The following TSPAN18 variants were observed in gnomAD, a reference collection of about 807,000 sequenced individuals.
TSPAN18 encodes the protein tetraspanin-18.
Under a neutral mutation model 27.3 loss-of-function variants are expected in TSPAN18, and 14 were observed. That is an observed-to-expected ratio of 0.51 (90% CI 0.34 to 0.80). TSPAN18 has a LOEUF of 0.80. Among genes scored for constraint, TSPAN18 ranks in the 30% least tolerant of loss-of-function variants. The probability of loss-of-function intolerance (pLI) is 0.01; values close to 1 mark genes in which losing one functional copy is unlikely to be tolerated. For synonymous variants in TSPAN18, 143 were observed against 136.5 expected (o/e 1.05, Z -0.33); for missense variants, 268 against 323.9 (o/e 0.83, Z 1.32).
At position 44,930,670 on chromosome 11, in the gene TSPAN18, G is replaced by T; in HGVS notation, c.*1492G>T. 2.7e-6 allele frequency: 1 copy of T among 368,510 alleles called. No individual in the cohort carries two copies. Among genetic ancestry groups the T allele is most frequent in the Non-Finnish European group, 5.4e-6 (1 of 184,812 alleles). 22.8% of individuals were successfully genotyped at this position (368,510 alleles called of 1,614,324 possible). A position where few individuals can be genotyped will look rare whatever the true frequency, so the allele number is the denominator to read the frequency against. ...ATTGCAAGATGCTCCTACCCTGATA[G>T]ATCAGGGGTGGCTGCTGGAGGCTGT... On this transcript the variant is annotated 3_prime_UTR_variant, in exon 10 of 10. Transcript: ENST00000520358.
chr11:44,757,022 A>C (rs1437245999), intron 1 of TSPAN18, among the ~76,000 whole-genome samples: 2 of 152,078 alleles, frequency 1.3e-5, no homozygotes, highest in African/African-American at 4.8e-5. Context: ...TACAGTTTTG[A>C]GATAATTTTC....
intron 1 of TSPAN18, among the ~76,000 whole-genome samples, chr11:44,754,947 G>A (rs565280885): frequency 5.3e-5 from 8 of 152,298 alleles, no homozygotes; most frequent in South Asian, 4.1e-4. Context: ...TGACCAGTGC[G>A]GCTGTGTCTG....
intron 1 of TSPAN18, among the ~76,000 whole-genome samples, chr11:44,754,429 C>A (rs1431096178): frequency 1.3e-5 from 2 of 152,206 alleles, no homozygotes; most frequent in African/African-American, 4.8e-5. Context: ...CACATTGCAT[C>A]CACGTGGAGT....
rs1242408761 is a variant in TSPAN18, at chr11:44,727,047, AGCCCCAGCCCCGGCCCCG to A, written c.-456_-439del. ...CCGCGGAGCCGCGCGAGGCCGCCCGAGCCCCAGCCCCGGCCCCGGCCCCAGCCCCGGCCCCGGCCCCGG... is the reference window on the plus strand; with the variant it reads ...CCGCGGAGCCGCGCGAGGCCGCCCGAGCCCCAGCCCCGGCCCCGGCCCCGG... On this transcript the variant is annotated 5_prime_UTR_variant, in exon 1 of 10. Coordinates refer to ENST00000520358, the MANE Select transcript of TSPAN18 (RefSeq NM_130783.5). 5 of 135,340 alleles carry A rather than the reference AGCCCCAGCCCCGGCCCCG, an allele frequency of 3.7e-5. No individual in the cohort carries two copies. The highest frequency in any genetic ancestry group is 2.0e-4 in the South Asian group (1 of 5,048). The allele number at this position is 135,340 out of a possible 1,614,324, so 8.4% of individuals were successfully genotyped here. A position where few individuals can be genotyped will look rare whatever the true frequency, so the allele number is the denominator to read the frequency against.
intron 2 of TSPAN18, among the ~76,000 whole-genome samples, chr11:44,804,940 C>CTGGGGAGGGCT (rs1227988483): frequency 1.3e-5 from 2 of 152,166 alleles, no homozygotes; most frequent in African/African-American, 4.8e-5. Context: ...GCCCAGCCAC[C>CTGGGGAGGGCT]TGGGGAGGGC....
Position 44,858,093 on chromosome 11 carries a change from C to T in TSPAN18, c.-152-2235C>T, listed in dbSNP as rs57794898. Among the ~76,000 whole-genome samples the T allele has an allele frequency of 7.9e-3, 1,207 of 152,300 alleles. 17 individuals are homozygous for T. Among genetic ancestry groups the T allele is most frequent in the African/African-American group, 0.027 (1,130 of 41,552 alleles). On this transcript the variant is annotated intron_variant, in intron 2 of 9. Coordinates refer to ENST00000520358, the MANE Select transcript of TSPAN18 (RefSeq NM_130783.5). ...AGTCTTCAGTTTCTCATCAATAAAA[C>T]GGGGATGATAGCACTGTTAGAATGA...
At chr11:44,726,804 T>C (rs1224743471), upstream of TSPAN18, 1 of 124,380 alleles carries the variant, frequency 8.0e-6, no homozygotes, top group Non-Finnish European at 1.8e-5. Context: ...AGGCGGAGGC[T>C]GGCGGGAGGC....
intron 2 of TSPAN18, among the ~76,000 whole-genome samples, chr11:44,854,206 G>GC (rs954362862): frequency 3.7e-5 from 5 of 135,540 alleles, no homozygotes; most frequent in Non-Finnish European, 6.4e-5. Context: ...GGGGTGGGGG[G>GC]GGGGGTTTGT....
intron 2 of TSPAN18, among the ~76,000 whole-genome samples, chr11:44,855,249 C>A (rs1297289860): frequency 6.6e-6 from 1 of 151,784 alleles, no homozygotes; most frequent in Non-Finnish European, 1.5e-5. Flanking sequence ...TACCCTTTTT[C>A]TTTAACAATA....
intron 3 of TSPAN18, among the ~76,000 whole-genome samples, chr11:44,905,431 T>C (rs1280887394): frequency 1.3e-5 from 2 of 152,186 alleles, no homozygotes. Flanking sequence ...CTGTGGGACA[T>C]CGGACATGTC....
At chr11:44,746,229 TGA>T (rs1855073124) in intron 1 of TSPAN18, among the ~76,000 whole-genome samples, 1 of 152,094 alleles carries the variant, frequency 6.6e-6, no homozygotes, top group South Asian at 2.1e-4. Flanking sequence ...TGTTGGGGTT[TGA>T]GTATGAGACC....
At chr11:44,814,176 T>A (rs930905265) in intron 2 of TSPAN18, among the ~76,000 whole-genome samples, 2 of 152,072 alleles carry the variant, frequency 1.3e-5, no homozygotes, top group East Asian at 1.9e-4. Context: ...AATAATTTTT[T>A]AAAAAAAGTC....
intron 2 of TSPAN18, among the ~76,000 whole-genome samples, chr11:44,849,558 T>C (rs1394135731): frequency 6.6e-6 from 1 of 152,100 alleles, no homozygotes; most frequent in African/African-American, 2.4e-5. Context: ...GATGGGGGTG[T>C]GGCCTCCCAG....
At chr11:44,792,704 C>T (rs930584525) in intron 2 of TSPAN18, among the ~76,000 whole-genome samples, 1 of 152,110 alleles carries the variant, frequency 6.6e-6, no homozygotes, top group Non-Finnish European at 1.5e-5. Context: ...GGGTTCCTCC[C>T]GGAAGAGGTG....
chr11:44,730,161 A>G (rs1248908038), intron 1 of TSPAN18, among the ~76,000 whole-genome samples: 1 of 152,120 alleles, frequency 6.6e-6, no homozygotes, highest in Non-Finnish European at 1.5e-5. Context: ...GAGTGAATGC[A>G]GCAGCTTCAG....
intron 1 of TSPAN18, among the ~76,000 whole-genome samples, chr11:44,756,280 C>G (rs1433109125): frequency 7.1e-6 from 1 of 140,988 alleles, no homozygotes; most frequent in East Asian, 2.3e-4. Flanking sequence ...GGTGTAGCCC[C>G]CATCTGTTCT....
intron 2 of TSPAN18, among the ~76,000 whole-genome samples, chr11:44,831,674 A>C (rs560905504): frequency 1.3e-5 from 2 of 152,188 alleles, no homozygotes; most frequent in African/African-American, 2.4e-5. Context: ...TCCAGTATGC[A>C]CTGGCATTCT....
At chr11:44,886,474 T>G (rs1858658158) in intron 3 of TSPAN18, 1 of 152,240 alleles carries the variant, frequency 6.6e-6, no homozygotes, top group African/African-American at 2.4e-5. Flanking sequence ...TGGGCACCAC[T>G]CCTGGGGAAA....
At position 44,808,729 on chromosome 11, in the gene TSPAN18, T is replaced by C. The variant is rs141666555; in HGVS notation, c.-153+44217T>C. ...ATTTAACGTTTCTTGGAAATTGATA[T>C]TCTCACTTCCCAACGAATCTGGGTT... On this transcript the variant is annotated intron_variant, in intron 2 of 9. Coordinates refer to ENST00000520358, the MANE Select transcript of TSPAN18 (RefSeq NM_130783.5). Among the ~76,000 whole-genome samples, 755 of 152,348 alleles carry C rather than the reference T, an allele frequency of 5.0e-3. 4 individuals are homozygous for C. Among genetic ancestry groups the C allele is most frequent in the African/African-American group, 0.018 (738 of 41,576 alleles).
Sources: allele counts gnomAD v4.1 joint callset (sites outside exome capture counted in the v4.1 genomes callset), GRCh38; gene constraint gnomAD v4.1.1; transcripts MANE v1.5; gene names NCBI Gene and HGNC (gene_info 2026-07-23, HGNC 2026-07-21).